Variants in MEX3C observed in about 807,000 individuals in gnomAD.
MEX3C encodes mex-3 RNA binding family member C, also known as RNA-binding E3 ubiquitin-protein ligase MEX3C.
A neutral mutation model predicts 35.5 loss-of-function variants in MEX3C; 15 were observed. The observed-to-expected ratio is 0.42, with a 90% confidence interval of 0.28 to 0.65. MEX3C has a LOEUF of 0.65. MEX3C is among the 30% of genes least tolerant of loss of function. The probability of loss-of-function intolerance (pLI) is 0.20; values close to 1 mark genes in which losing one functional copy is unlikely to be tolerated. For missense variants in MEX3C, 711 were observed against 842.8 expected (o/e 0.84, Z 1.94); for synonymous variants, 390 against 352.8 (o/e 1.11, Z -1.18).
chr18:51,195,679 T>G (rs1227562273), intron 1 of MEX3C: 1 of 152,062 alleles, frequency 6.6e-6, no homozygotes, highest in African/African-American at 2.4e-5. Context: ...CTTAGGACCT[T>G]CCCTAAAAAT....
Position 51,175,160 on chromosome 18 carries a change from G to A in MEX3C, c.*1191C>T, listed in dbSNP as rs1398182191. The A allele has an allele frequency of 2.0e-5, 3 of 152,130 alleles. No homozygotes were observed. The highest frequency in any genetic ancestry group is 2.9e-5 in the Non-Finnish European group (2 of 67,940). The allele number at this position is 152,130 out of a possible 1,614,324, so 9.4% of individuals were successfully genotyped here. On this transcript the variant is annotated 3_prime_UTR_variant, in exon 2 of 2. Transcript: ENST00000406189. ...ATAGGATTTCAATTTTCATTATACC[G>A]AGAAAAAAGCTCTTTTGTGTTGGGA...
intron 1 of MEX3C, among the ~76,000 whole-genome samples, chr18:51,184,805 T>G (rs1912501566): frequency 6.6e-6 from 1 of 151,350 alleles, no homozygotes; most frequent in East Asian, 2.0e-4. Flanking sequence ...GCTGCAGAGA[T>G]CCGAGATCGT....
Position 51,196,374 on chromosome 18 carries a change from G to C in MEX3C, c.754+193C>G, listed in dbSNP as rs181778782. The C allele has an allele frequency of 4.7e-6, 6 of 1,266,916 alleles. No homozygotes were observed. In the African/African-American group the frequency reaches 7.8e-5, roughly 17 times the overall value. 78.5% of individuals were successfully genotyped at this position (1,266,916 alleles called of 1,614,324 possible). A position where few individuals can be genotyped will look rare whatever the true frequency, so the allele number is the denominator to read the frequency against. ...CTTCACACTTTTTACCAGGCAAGAC[G>C]GGCGGAAAAGCGTGGGTTTTCGCAA... On this transcript the variant is annotated intron_variant, in intron 1 of 1. Coordinates refer to ENST00000406189, the MANE Select transcript of MEX3C (RefSeq NM_016626.5).
chr18:51,182,289 G>A (rs1912449551), intron 1 of MEX3C, among the ~76,000 whole-genome samples: 1 of 145,684 alleles, frequency 6.9e-6, no homozygotes, highest in Non-Finnish European at 1.6e-5. Context: ...CATCCCTGTT[G>A]GATAAGGGGG....
chr18:51,195,304 T>C (rs1169967364), intron 1 of MEX3C: 1 of 152,198 alleles, frequency 6.6e-6, no homozygotes, highest in Non-Finnish European at 1.5e-5. Context: ...ACCTTTCAAT[T>C]GAAAGGTCCA....
At position 51,176,753 on chromosome 18, in the gene MEX3C, A is replaced by C. The variant is rs1033557413; in HGVS notation, c.1578T>G (p.Pro526=). 1 of 1,614,024 alleles carries C rather than the reference A, an allele frequency of 6.2e-7. No homozygotes were observed. The highest frequency in any genetic ancestry group is 1.3e-5 in the African/African-American group (1 of 75,052). ...TGCGCTGAGTCTTCATGTTACCAGA[A>C]GGATCACTCCCAAAGCCAGAGAGTG... ...VNPLSGFGSD[P]SGNMKTQRRG... Residue 526 remains proline, a synonymous_variant, in exon 2 of 2, where the codon CCT becomes CCG. Transcript: ENST00000406189.
intron 1 of MEX3C, 21 bp downstream of exon 1, chr18:51,196,546 C>A (rs1219976200): frequency 1.7e-5 from 26 of 1,557,022 alleles, no homozygotes; most frequent in Non-Finnish European, 2.1e-5. Flanking sequence ...CCCAGCTGGA[C>A]CTCCCCACCC....
intron 1 of MEX3C, among the ~76,000 whole-genome samples, chr18:51,190,459 T>TA (rs780593815): frequency 2.0e-5 from 3 of 152,324 alleles, no homozygotes; most frequent in African/African-American, 7.2e-5. Context: ...CCAAATTACT[T>TA]ATGCTTACCT....
At chr18:51,182,824 T>C (rs577828007) in intron 1 of MEX3C, among the ~76,000 whole-genome samples, 17 of 152,190 alleles carry the variant, frequency 1.1e-4, no homozygotes, top group Non-Finnish European at 2.1e-4. Context: ...ATTCAGTAGG[T>C]GCAGTCAGCA....
chr18:51,182,073 TTTGA>T, intron 1 of MEX3C, among the ~76,000 whole-genome samples: 1 of 152,302 alleles, frequency 6.6e-6, no homozygotes, highest in African/African-American at 2.4e-5. Flanking sequence ...TAAAAAGATA[TTTGA>T]GAGTGAGTAA....
chr18:51,190,079 G>C (rs1335895616), intron 1 of MEX3C, among the ~76,000 whole-genome samples: 5 of 152,078 alleles, frequency 3.3e-5, no homozygotes. Context: ...TCTCAGACTT[G>C]ATCCTCACAA....
chr18:51,191,995 AG>A (rs1366738034), intron 1 of MEX3C, among the ~76,000 whole-genome samples: 1 of 152,190 alleles, frequency 6.6e-6, no homozygotes, highest in Non-Finnish European at 1.5e-5. Flanking sequence ...TTAAGGCAAA[AG>A]TATTCAAAAC....
chr18:51,177,637 A>C lies in MEX3C; in HGVS notation c.755-61T>G. 1 of 1,491,136 alleles carries C rather than the reference A, an allele frequency of 6.7e-7. No homozygotes were observed. The highest frequency in any genetic ancestry group is 9.0e-7 in the Non-Finnish European group (1 of 1,115,844). The allele number at this position is 1,491,136 out of a possible 1,614,324, so 92.4% of individuals were successfully genotyped here. ...CTACTTCAATGATATATATAAAGAC[A>C]AATCACAGAATGCACCTTTTAAGCT... On this transcript the variant is annotated intron_variant, in intron 1 of 1. Transcript: ENST00000406189. The surrounding 1 kb of genome is among the most constrained non-coding windows in gnomAD (Gnocchi z 4.2).
chr18:51,192,530 T>C (rs1360990695), intron 1 of MEX3C, among the ~76,000 whole-genome samples: 2 of 152,202 alleles, frequency 1.3e-5, no homozygotes, highest in African/African-American at 4.8e-5. Flanking sequence ...CTGTGCCTTG[T>C]GGGTAGTACA....
chr18:51,177,188 G>C lies in MEX3C; in HGVS notation c.1143C>G (p.Asp381Glu). ...FEVTGMPENV[D>E]RAREEIEMHI... ...GCATTTCTATTTCTTCCCGTGCTCG[G>C]TCAACATTTTCAGGCATCCCTGTCA... is the stretch of plus-strand genomic sequence containing the variant. Residue 381 changes from aspartate (D) to glutamate (E), a missense_variant, in exon 2 of 2, where the codon GAC becomes GAG. By Grantham distance (45) the Asp-to-Glu change is conservative. Coordinates refer to ENST00000406189, the MANE Select transcript of MEX3C (RefSeq NM_016626.5). The surrounding 1 kb of genome is among the most constrained non-coding windows in gnomAD (Gnocchi z 4.2). 6.2e-7 allele frequency: 1 copy of C among 1,613,676 alleles called. No homozygotes were observed. The highest frequency in any genetic ancestry group is 8.5e-7 in the Non-Finnish European group (1 of 1,179,882).
At chr18:51,179,281 C>T (rs938062524) in intron 1 of MEX3C, among the ~76,000 whole-genome samples, 3 of 152,102 alleles carry the variant, frequency 2.0e-5, no homozygotes, top group Non-Finnish European at 4.4e-5. Context: ...GGATTACAGG[C>T]GGGAGCCACC....
intron 1 of MEX3C, among the ~76,000 whole-genome samples, chr18:51,188,576 C>T (rs61236579): frequency 0.12 from 17,775 of 145,472 alleles, 1,386 homozygotes; most frequent in African/African-American, 0.23. Context: ...CCAGCCTGGG[C>T]GACAGAGTGA....
rs552186023 is a variant in MEX3C at position 51,180,484 on chromosome 18, TTTG to T, written c.755-2911_755-2909del. Among the ~76,000 whole-genome samples, 904 of 152,158 alleles carry T rather than the reference TTTG, an allele frequency of 5.9e-3. 5 individuals carry two copies. The highest frequency in any genetic ancestry group is 0.017 in the African/African-American group (707 of 41,498). ...ACAGCAAAGCCAACCCTGGTTTTTT[TTTG>T]TTGTTGTTTTTTGAGATGGAGTCTC... On this transcript the variant is annotated intron_variant, in intron 1 of 1. Transcript: ENST00000406189.
chr18:51,192,706 T>C (rs1323776990), intron 1 of MEX3C, among the ~76,000 whole-genome samples: 1 of 152,184 alleles, frequency 6.6e-6, no homozygotes, highest in Admixed American at 6.5e-5. Flanking sequence ...CAAAGAATTT[T>C]ATTTCTGATG....
Sources: allele counts gnomAD v4.1 joint callset (sites outside exome capture counted in the v4.1 genomes callset), GRCh38; gene constraint gnomAD v4.1.1; non-coding constraint Gnocchi (gnomAD v3.1); transcripts MANE v1.5; gene names NCBI Gene and HGNC (gene_info 2026-07-23, HGNC 2026-07-21).